CD36: variants seen among roughly 807,000 people sequenced by gnomAD.
CD36 encodes platelet glycoprotein 4.
A neutral mutation model predicts 55.2 loss-of-function variants in CD36; 119 were observed. That is an observed-to-expected ratio of 2.15 (90% CI 1.86 to 2.51). The LOEUF is 2.51. Among genes scored for constraint, CD36 ranks in the 30% most tolerant of loss-of-function variants. The probability of loss-of-function intolerance (pLI) is 0.00; values close to 1 mark genes in which losing one functional copy is unlikely to be tolerated. For synonymous variants in CD36, 186 were observed against 193.6 expected (o/e 0.96, Z 0.33); for missense variants, 819 against 555.5 (o/e 1.47, Z -4.77).
chr7:80,633,504 T>C (rs2116146036), intron 1 of CD36: 2 of 152,168 alleles, frequency 1.3e-5, no homozygotes, highest in East Asian at 3.9e-4. Flanking sequence ...AATTTTCTTT[T>C]AAAGGTGATA....
At chr7:80,656,087 G>C (rs1244041639) in intron 3 of CD36, among the ~76,000 whole-genome samples, 3 of 152,100 alleles carry the variant, frequency 2.0e-5, no homozygotes, top group Non-Finnish European at 2.9e-5. Flanking sequence ...TGAAGGAAAA[G>C]AAAAAGCTTC....
At chr7:80,673,688 C>CATTG (rs1027784288) in intron 13 of CD36, 4 of 557,518 alleles carry the variant, frequency 7.2e-6, no homozygotes, top group African/African-American at 1.9e-5. Context: ...TAAATCCATG[C>CATTG]ATTGATAGCT....
At chr7:80,612,988 T>G (rs1228156058) in intron 1 of CD36, among the ~76,000 whole-genome samples, 1 of 152,132 alleles carries the variant, frequency 6.6e-6, no homozygotes, top group Non-Finnish European at 1.5e-5. Context: ...GTATATGGAT[T>G]CAAAATGAGT....
chr7:80,644,696 G>A (rs745754289), intron 1 of CD36, among the ~76,000 whole-genome samples: 12 of 152,130 alleles, frequency 7.9e-5, no homozygotes, highest in Non-Finnish European at 1.5e-4. Flanking sequence ...GCTGTGGAGG[G>A]AAAACCTGAA....
chr7:80,604,645 G>A (rs1792442206), intron 1 of CD36, among the ~76,000 whole-genome samples: 1 of 151,746 alleles, frequency 6.6e-6, no homozygotes, highest in East Asian at 1.9e-4. Flanking sequence ...ATAGGAGACA[G>A]CTTGGCTCAT....
At chr7:80,628,825 G>T (rs1793898347) in intron 1 of CD36, among the ~76,000 whole-genome samples, 1 of 152,026 alleles carries the variant, frequency 6.6e-6, no homozygotes, top group Non-Finnish European at 1.5e-5. Flanking sequence ...AGTCTGGAAA[G>T]GTGAGACAAC....
Position 80,671,884 on chromosome 7 carries a change from GTTATTAATTCCAATTGACTC to G in CD36, c.1007-34_1007-15del. 1 of 1,585,794 alleles carries G rather than the reference GTTATTAATTCCAATTGACTC, an allele frequency of 6.3e-7. No homozygotes were observed. Among genetic ancestry groups the G allele is most frequent in the Non-Finnish European group, 8.6e-7 (1 of 1,156,434 alleles). On this transcript the variant is annotated intron_variant, in intron 10 of 14. Coordinates refer to ENST00000447544, the MANE Select transcript of CD36 (RefSeq NM_001001548.3). The stretch of plus-strand genomic sequence containing the variant: ...TTGAGTTATATGTGAAATGAAGGAA[GTTATTAATTCCAATTGACTC>G]TTAAAACTTGTCTTCAGGGAGACCT...
intron 8 of CD36, among the ~76,000 whole-genome samples, chr7:80,667,649 G>A (rs116879025): frequency 3.3e-5 from 5 of 150,680 alleles, no homozygotes; most frequent in East Asian, 2.0e-4. Context: ...CTTCGTATGC[G>A]TACTTGATTC....
intron 6 of CD36, among the ~76,000 whole-genome samples, chr7:80,664,112 C>T (rs927599194): frequency 6.6e-6 from 1 of 152,090 alleles, no homozygotes; most frequent in East Asian, 1.9e-4. Context: ...ATGTCCCTCA[C>T]CTCAACATAG....
At chr7:80,673,872 C>A in intron 13 of CD36, 111 bp from the exon 14 acceptor site, 2 of 801,966 alleles carry the variant, frequency 2.5e-6, no homozygotes, top group Non-Finnish European at 4.2e-6. Context: ...CTTATAGATA[C>A]TGATGACTAA....
chr7:80,614,186 A>G (rs1793023299), intron 1 of CD36, among the ~76,000 whole-genome samples: 1 of 152,214 alleles, frequency 6.6e-6, no homozygotes, highest in Non-Finnish European at 1.5e-5. Flanking sequence ...TAAAATGGGC[A>G]TCATTCTCTT....
chr7:80,670,773 G>T, intron 9 of CD36: 1 of 565,080 alleles, frequency 1.8e-6, no homozygotes, highest in African/African-American at 1.9e-5. Flanking sequence ...AATAAACATG[G>T]TACTTCACAA....
In CD36 at chr7:80,656,708, A is replaced by T. The variant is rs922953342; in HGVS notation, c.281+8A>T. 9.9e-6 allele frequency: 16 copies of T among 1,611,560 alleles called. No individual in the cohort carries two copies. The African/African-American group carries it at 1.5e-4, about 15-fold the overall frequency. On this transcript the variant is annotated splice_region_variant and intron_variant, in intron 4 of 14. Coordinates refer to ENST00000447544, the MANE Select transcript of CD36 (RefSeq NM_001001548.3). ...AGGTCCTTATACGTACAGGTGAGTG[A>T]GTCCCCACAAATATGAGACACTCTT... is the stretch of plus-strand genomic sequence containing the variant.
At chr7:80,620,304 C>G (rs1296513166) in intron 1 of CD36, among the ~76,000 whole-genome samples, 1 of 152,118 alleles carries the variant, frequency 6.6e-6, no homozygotes, top group Non-Finnish European at 1.5e-5. Flanking sequence ...CCCCTTCTTT[C>G]AACACTAGTC....
intron 8 of CD36, among the ~76,000 whole-genome samples, chr7:80,667,581 C>T (rs1053226893): frequency 2.0e-5 from 3 of 151,578 alleles, no homozygotes; most frequent in African/African-American, 7.3e-5. Context: ...AAGATAAAGA[C>T]ACTTAAGTAA....
intron 1 of CD36, among the ~76,000 whole-genome samples, chr7:80,622,950 T>C (rs1305305248): frequency 6.6e-5 from 10 of 151,938 alleles, no homozygotes; most frequent in Admixed American, 6.6e-4. Context: ...CTAAAATCTA[T>C]AGCTAGACAA....
chr7:80,632,441 A>G (rs1157972100), intron 1 of CD36, among the ~76,000 whole-genome samples: 1 of 152,054 alleles, frequency 6.6e-6, no homozygotes, highest in Non-Finnish European at 1.5e-5. Flanking sequence ...ATATCTGCAT[A>G]TGTATTTCAG....
chr7:80,666,380 A>G lies in CD36; in HGVS notation c.702-63A>G. 3 of 1,061,852 alleles carry G rather than the reference A, an allele frequency of 2.8e-6. No homozygotes were observed. The South Asian group carries it at 3.8e-5, about 13-fold the overall frequency. The allele number at this position is 1,061,852 out of a possible 1,614,324, so 65.8% of individuals were successfully genotyped here. On this transcript the variant is annotated intron_variant, in intron 7 of 14. Transcript: ENST00000447544. Reference sequence around the variant, plus strand: ...AGAAGTATTGAATTATAATAGAAAAAGTAATGTAAGAAAGGTATTCTTTAA... The same window carrying G: ...AGAAGTATTGAATTATAATAGAAAAGGTAATGTAAGAAAGGTATTCTTTAA...
At chr7:80,670,516 A>C (rs568898268) in intron 9 of CD36, 1 of 218,732 alleles carries the variant, frequency 4.6e-6, no homozygotes, top group African/African-American at 2.3e-5. Flanking sequence ...ATATACGTGT[A>C]TCTGGGGATA....
Sources: gnomAD v4.1 joint callset for allele counts (sites outside exome capture counted in the v4.1 genomes callset) on GRCh38, gnomAD v4.1.1 for gene constraint, MANE v1.5 for transcripts, NCBI Gene and HGNC (gene_info 2026-07-23, HGNC 2026-07-21) for gene names.